The following GRIA1 variants were observed in gnomAD, a reference collection of about 807,000 sequenced individuals.
The protein encoded by GRIA1 is glutamate receptor 1.
GRIA1 carries 31 observed loss-of-function variants against 99.2 expected under a neutral mutation model. The ratio of observed to expected loss-of-function variants is 0.31; its 90% CI spans 0.23 to 0.42. The LOEUF (loss-of-function observed/expected upper bound fraction) is 0.42. Among genes scored for constraint, GRIA1 ranks in the 10% least tolerant of loss-of-function variants. The pLI, the probability that GRIA1 is intolerant of heterozygous loss-of-function variation, is 1.00. For missense variants in GRIA1, 782 were observed against 1,157.5 expected (o/e 0.68, Z 4.71); for synonymous variants, 438 against 432.4 (o/e 1.01, Z -0.16).
chr5:153,544,043 G>C (rs146685761), intron 2 of GRIA1, among the ~76,000 whole-genome samples: 1 of 152,096 alleles, frequency 6.6e-6, no homozygotes, highest in Non-Finnish European at 1.5e-5. Context: ...ATCTGAGCAG[G>C]GCCTGAAAAA....
Position 153,715,383 on chromosome 5 carries a change from A to G in GRIA1, c.1823+9316A>G, listed in dbSNP as rs1321690375. Among the ~76,000 whole-genome samples the G allele has an allele frequency of 6.0e-5, 9 of 150,828 alleles. No homozygotes were observed. The Admixed American group carries it at 6.0e-4, about 10-fold the overall frequency. ...TTGCCTTCTCACTCTCCCCCAACCA[A>G]CTCCAATTACTCCTCTGAATCTGTG... is the stretch of plus-strand genomic sequence containing the variant. On this transcript the variant is annotated intron_variant, in intron 11 of 15. Coordinates refer to ENST00000285900, the MANE Select transcript of GRIA1 (RefSeq NM_000827.4).
At chr5:153,508,677 T>C (rs1755769367) in intron 2 of GRIA1, among the ~76,000 whole-genome samples, 1 of 152,228 alleles carries the variant, frequency 6.6e-6, no homozygotes. Flanking sequence ...GTGGCTCCTC[T>C]GTGGAGGAAG....
intron 5 of GRIA1, among the ~76,000 whole-genome samples, chr5:153,665,713 A>G (rs1425070350): frequency 6.6e-6 from 1 of 152,206 alleles, no homozygotes; most frequent in East Asian, 1.9e-4. Context: ...GTGGCTCAGA[A>G]GTTTCCAAAC....
At chr5:153,638,541 C>T (rs1753556084) in intron 2 of GRIA1, among the ~76,000 whole-genome samples, 1 of 152,210 alleles carries the variant, frequency 6.6e-6, no homozygotes, top group African/African-American at 2.4e-5. Context: ...AGGGGCGGCC[C>T]ATGCCCAAGC....
chr5:153,626,087 A>G (rs893230552), intron 2 of GRIA1, among the ~76,000 whole-genome samples: 1 of 152,210 alleles, frequency 6.6e-6, no homozygotes, highest in Non-Finnish European at 1.5e-5. Context: ...AAGTCTTTTC[A>G]GCCTCTGACC....
chr5:153,708,812 C>T (rs868736339), intron 11 of GRIA1, among the ~76,000 whole-genome samples: 1 of 152,294 alleles, frequency 6.6e-6, no homozygotes, highest in Middle Eastern at 3.4e-3. Flanking sequence ...TCCTAAGACT[C>T]CTCCTCATAG....
intron 11 of GRIA1, among the ~76,000 whole-genome samples, chr5:153,712,196 C>T (rs1234003104): frequency 1.3e-5 from 2 of 152,136 alleles, no homozygotes; most frequent in African/African-American, 2.4e-5. Flanking sequence ...GCATTACAGG[C>T]GTGTGCCACC....
At chr5:153,537,464 C>T (rs919991044) in intron 2 of GRIA1, among the ~76,000 whole-genome samples, 4 of 152,200 alleles carry the variant, frequency 2.6e-5, no homozygotes, top group Non-Finnish European at 4.4e-5. Flanking sequence ...GCCTCCCAGT[C>T]AAGCTATTGT....
upstream of GRIA1, chr5:153,489,739 C>T (rs916938179): frequency 1.1e-5 from 5 of 455,272 alleles, no homozygotes; most frequent in Admixed American, 7.1e-5. Context: ...CTATGAAGTT[C>T]CAGCTTACAC....
chr5:153,583,344 A>G (rs1249679927), intron 2 of GRIA1, among the ~76,000 whole-genome samples: 1 of 152,214 alleles, frequency 6.6e-6, no homozygotes, highest in Non-Finnish European at 1.5e-5. Context: ...GTTCTGAAGG[A>G]TAGAAGTCTG....
intron 13 of GRIA1, among the ~76,000 whole-genome samples, chr5:153,788,413 G>A (rs1765105218): frequency 6.6e-6 from 1 of 151,962 alleles, no homozygotes; most frequent in South Asian, 2.1e-4. Flanking sequence ...TATTAACTTG[G>A]TTTAAAAGGG....
chr5:153,577,442 C>T (rs1435043455), intron 2 of GRIA1, among the ~76,000 whole-genome samples: 2 of 152,080 alleles, frequency 1.3e-5, no homozygotes, highest in Non-Finnish European at 2.9e-5. Context: ...GAAGCAAGGC[C>T]CTCACCCCTA....
At chr5:153,763,579 C>T (rs1581615851) in intron 11 of GRIA1, among the ~76,000 whole-genome samples, 2 of 152,172 alleles carry the variant, frequency 1.3e-5, no homozygotes, top group East Asian at 1.9e-4. Flanking sequence ...AACTGCTTAC[C>T]ACATAAAATC....
chr5:153,515,188 A>C (rs1183462507), intron 2 of GRIA1, among the ~76,000 whole-genome samples: 1 of 152,202 alleles, frequency 6.6e-6, no homozygotes, highest in Non-Finnish European at 1.5e-5. Flanking sequence ...TGTTCATTGC[A>C]GCATTATTTA....
chr5:153,614,802 A>G (rs1030439806), intron 2 of GRIA1, among the ~76,000 whole-genome samples: 1 of 152,252 alleles, frequency 6.6e-6, no homozygotes, highest in Admixed American at 6.5e-5. Context: ...AAATTCATTT[A>G]TTGCTGATAA....
intron 11 of GRIA1, among the ~76,000 whole-genome samples, chr5:153,757,480 C>G (rs958301978): frequency 6.6e-6 from 1 of 152,098 alleles, no homozygotes; most frequent in Non-Finnish European, 1.5e-5. Flanking sequence ...CCAAATAAGA[C>G]TATCTCAGAC....
chr5:153,650,082 G>C (rs185764024), intron 3 of GRIA1, among the ~76,000 whole-genome samples: 88 of 152,314 alleles, frequency 5.8e-4, no homozygotes, highest in African/African-American at 2.0e-3. Flanking sequence ...GCCTGCACAA[G>C]GCCATTTAGC....
chr5:153,565,154 T>C (rs748607649), intron 2 of GRIA1, among the ~76,000 whole-genome samples: 2 of 152,208 alleles, frequency 1.3e-5, no homozygotes, highest in Non-Finnish European at 2.9e-5. Context: ...TTTACTCTCA[T>C]ACATTCACCT....
intron 2 of GRIA1, among the ~76,000 whole-genome samples, chr5:153,535,353 C>T (rs1252533710): frequency 1.3e-5 from 2 of 152,164 alleles, no homozygotes; most frequent in African/African-American, 4.8e-5. Context: ...ATTGTTTATC[C>T]AGTTGTTTAT....
Sources: allele counts gnomAD v4.1 joint callset (sites outside exome capture counted in the v4.1 genomes callset), GRCh38; gene constraint gnomAD v4.1.1; transcripts MANE v1.5; gene names NCBI Gene and HGNC (gene_info 2026-07-23, HGNC 2026-07-21).